Variants in IMMP2L observed in about 807,000 individuals in gnomAD.
The protein encoded by IMMP2L is mitochondrial inner membrane protease subunit 2.
In IMMP2L, 18 loss-of-function variants were observed where a neutral mutation model predicts 19.3. The observed-to-expected ratio is 0.93, with a 90% CI of 0.64 to 1.38. The LOEUF (loss-of-function observed/expected upper bound fraction) is 1.38. Among genes scored for constraint, IMMP2L ranks in the 40% most tolerant of loss-of-function variants. The probability of loss-of-function intolerance (pLI) is 0.00; values close to 1 mark genes in which losing one functional copy is unlikely to be tolerated. For missense variants in IMMP2L, 233 were observed against 218.2 expected (o/e 1.07, Z -0.43); for synonymous variants, 76 against 73.0 (o/e 1.04, Z -0.21).
chr7:111,017,062 T>C, intron 3 of IMMP2L, among the ~76,000 whole-genome samples: 1 of 143,220 alleles, frequency 7.0e-6, no homozygotes, highest in East Asian at 2.0e-4. Flanking sequence ...TTAATATATG[T>C]GCCTTTATTT....
intron 4 of IMMP2L, among the ~76,000 whole-genome samples, chr7:110,903,725 A>G (rs2129547494): frequency 6.6e-6 from 1 of 151,722 alleles, no homozygotes; most frequent in East Asian, 1.9e-4. Flanking sequence ...ATAGGAGTGC[A>G]TATATTTCTT....
At position 111,272,110 on chromosome 7, in the gene IMMP2L, A is replaced by G. The variant is rs548642396; in HGVS notation, c.239+215128T>C. On this transcript the variant is annotated intron_variant, in intron 3 of 5. Coordinates refer to ENST00000405709, the MANE Select transcript of IMMP2L (RefSeq NM_032549.4). The stretch of plus-strand genomic sequence containing the variant: ...AACATGATGACATTAAAATTCTCCA[A>G]TGACTTCTTATATCTTTTAGACAAA... Among the ~76,000 whole-genome samples the G allele has an allele frequency of 3.3e-5, 5 of 152,248 alleles. No individual in the cohort carries two copies. The East Asian group carries it at 9.7e-4, about 29-fold the overall frequency.
intron 4 of IMMP2L, among the ~76,000 whole-genome samples, chr7:110,908,328 C>T (rs142216164): frequency 6.6e-6 from 1 of 152,202 alleles, no homozygotes; most frequent in East Asian, 1.9e-4. Context: ...GTATGAGAAG[C>T]CTGTGGAATA....
At chr7:111,558,574 TAAG>T in intron 1 of IMMP2L, among the ~76,000 whole-genome samples, 1 of 152,286 alleles carries the variant, frequency 6.6e-6, no homozygotes, top group African/African-American at 2.4e-5. Flanking sequence ...CCTGAAAACC[TAAG>T]AATGACAACC....
intron 3 of IMMP2L, among the ~76,000 whole-genome samples, chr7:111,045,656 T>G (rs1359187675): frequency 6.6e-6 from 1 of 152,132 alleles, no homozygotes; most frequent in Non-Finnish European, 1.5e-5. Context: ...TATGAACCAC[T>G]GCTGGCTTTG....
At chr7:111,188,855 A>G (rs545181046) in intron 3 of IMMP2L, among the ~76,000 whole-genome samples, 1 of 152,258 alleles carries the variant, frequency 6.6e-6, no homozygotes, top group East Asian at 1.9e-4. Flanking sequence ...CCTACAGAAT[A>G]ACATCTTTTT....
chr7:111,103,511 A>G (rs766848452), intron 3 of IMMP2L, among the ~76,000 whole-genome samples: 124 of 151,832 alleles, frequency 8.2e-4, no homozygotes, highest in Admixed American at 4.4e-3. Context: ...AGAAATAACC[A>G]GAAAAATATC....
chr7:110,884,352 C>T (rs1012096752), intron 5 of IMMP2L, among the ~76,000 whole-genome samples: 1 of 151,988 alleles, frequency 6.6e-6, no homozygotes, highest in Non-Finnish European at 1.5e-5. Flanking sequence ...TAAAGCAACA[C>T]ATTAGAATCA....
At chr7:110,876,305 A>G (rs2129544382) in intron 5 of IMMP2L, among the ~76,000 whole-genome samples, 2 of 152,246 alleles carry the variant, frequency 1.3e-5, no homozygotes, top group East Asian at 3.9e-4. Flanking sequence ...AAAAGAGTAG[A>G]AAAGGCTGGT....
At chr7:110,767,481 A>G (rs767631484) in intron 5 of IMMP2L, among the ~76,000 whole-genome samples, 200 of 152,286 alleles carry the variant, frequency 1.3e-3, no homozygotes, top group Non-Finnish European at 2.6e-3. Context: ...CTCATCCACT[A>G]TAACAGTGTC....
intron 3 of IMMP2L, among the ~76,000 whole-genome samples, chr7:111,259,404 G>T (rs1409416235): frequency 6.6e-6 from 1 of 152,160 alleles, no homozygotes; most frequent in East Asian, 1.9e-4. Context: ...GGAAGCCAAG[G>T]CAAGAGGATC....
At chr7:111,448,451 A>C (rs1368101550) in intron 3 of IMMP2L, among the ~76,000 whole-genome samples, 2 of 150,564 alleles carry the variant, frequency 1.3e-5, no homozygotes, top group African/African-American at 4.9e-5. Flanking sequence ...CCTGCTCCTG[A>C]ATGACTACTG....
At chr7:111,318,992 G>A (rs998911277) in intron 3 of IMMP2L, among the ~76,000 whole-genome samples, 1 of 152,064 alleles carries the variant, frequency 6.6e-6, no homozygotes, top group Admixed American at 6.6e-5. Context: ...TACCTTAAAT[G>A]TTGTCCACAC....
At position 111,237,325 on chromosome 7, in the gene IMMP2L, T is replaced by C. The variant is rs115070139; in HGVS notation, c.239+249913A>G. Among the ~76,000 whole-genome samples, 567 of 152,228 alleles carry C rather than the reference T, an allele frequency of 3.7e-3. 4 individuals carry two copies. The highest frequency in any genetic ancestry group is 0.012 in the African/African-American group (517 of 41,574). ...TCAATTTGATGTCCTATAAGAATAATTCATAAAATTGTGTATTGTGTCCTG... is the reference window on the plus strand; with the variant it reads ...TCAATTTGATGTCCTATAAGAATAACTCATAAAATTGTGTATTGTGTCCTG... On this transcript the variant is annotated intron_variant, in intron 3 of 5. Coordinates refer to ENST00000405709, the MANE Select transcript of IMMP2L (RefSeq NM_032549.4).
chr7:111,140,231 T>C (rs17531232), intron 3 of IMMP2L, among the ~76,000 whole-genome samples: 6,247 of 152,242 alleles, frequency 0.041, 184 homozygotes, highest in South Asian at 0.08. Flanking sequence ...CTACTTTAAG[T>C]ATTAGCTTAC....
At chr7:110,975,573 A>C (rs1240939186) in intron 3 of IMMP2L, among the ~76,000 whole-genome samples, 5 of 152,176 alleles carry the variant, frequency 3.3e-5, no homozygotes, top group Non-Finnish European at 7.3e-5. Flanking sequence ...GCCAACTAAT[A>C]AACTATCTTG....
chr7:111,399,672 C>G (rs1016843371), intron 3 of IMMP2L, among the ~76,000 whole-genome samples: 4 of 152,030 alleles, frequency 2.6e-5, no homozygotes, highest in African/African-American at 9.7e-5. Context: ...ATTATTAATG[C>G]ATTATTATTA....
intron 3 of IMMP2L, among the ~76,000 whole-genome samples, chr7:111,008,976 C>G (rs190622880): frequency 6.6e-6 from 1 of 152,088 alleles, no homozygotes; most frequent in Non-Finnish European, 1.5e-5. Flanking sequence ...CATCCCCTGA[C>G]TAACTTACAT....
intron 3 of IMMP2L, chr7:111,122,659 T>C: frequency 1.2e-6 from 1 of 819,738 alleles, no homozygotes; most frequent in Non-Finnish European, 2.0e-6. Context: ...TTCTATGGCA[T>C]TCATCATTTG....
Sources: gnomAD v4.1 joint callset for allele counts (sites outside exome capture counted in the v4.1 genomes callset) on GRCh38, gnomAD v4.1.1 for gene constraint, MANE v1.5 for transcripts, NCBI Gene and HGNC (gene_info 2026-07-23, HGNC 2026-07-21) for gene names.